The following RPS6KA2 variants were observed in gnomAD, a reference collection of about 807,000 sequenced individuals.
RPS6KA2 encodes the protein ribosomal protein S6 kinase A2.
A neutral mutation model predicts 91.8 loss-of-function variants in RPS6KA2; 42 were observed. The ratio of observed to expected loss-of-function variants is 0.46; its 90% CI spans 0.36 to 0.59. The LOEUF (loss-of-function observed/expected upper bound fraction) is 0.59, where lower values mean the gene tolerates loss of function less well. Ranked by LOEUF, RPS6KA2 falls within the 20% of genes least tolerant of loss-of-function variation. The pLI, the probability that RPS6KA2 is intolerant of heterozygous loss-of-function variation, is 0.00. For missense variants in RPS6KA2, 798 were observed against 978.5 expected (o/e 0.82, Z 2.46); for synonymous variants, 414 against 393.6 (o/e 1.05, Z -0.61).
chr6:166,558,992 G>A (rs967422686), intron 1 of RPS6KA2, among the ~76,000 whole-genome samples: 4 of 152,180 alleles, frequency 2.6e-5, no homozygotes, highest in African/African-American at 9.7e-5. Context: ...CTTTTGAGTG[G>A]GTTGAGCTAG....
At chr6:166,769,407 T>G (rs1171943230) in intron 2 of RPS6KA2, among the ~76,000 whole-genome samples, 4 of 152,316 alleles carry the variant, frequency 2.6e-5, no homozygotes, top group African/African-American at 9.6e-5. Flanking sequence ...GAGAAAGGAA[T>G]AGAAGACGGT....
intron 12 of RPS6KA2, among the ~76,000 whole-genome samples, chr6:166,458,650 A>G (rs1392944062): frequency 1.3e-5 from 2 of 152,184 alleles, no homozygotes; most frequent in Non-Finnish European, 2.9e-5. Context: ...CTTTGCACAC[A>G]CAGAAGAAAG....
intron 10 of RPS6KA2, among the ~76,000 whole-genome samples, chr6:166,473,092 G>A (rs1381677717): frequency 6.6e-6 from 1 of 152,112 alleles, no homozygotes; most frequent in African/African-American, 2.4e-5. Flanking sequence ...TGTTTATCTG[G>A]GTCTGTGTCT....
intron 11 of RPS6KA2, chr6:166,460,698 A>C (rs1465843418): frequency 6.6e-6 from 1 of 152,452 alleles, no homozygotes; most frequent in Admixed American, 6.5e-5. Context: ...CCCACTGAGC[A>C]TGGGGTTTCC....
rs536643834 is a variant in RPS6KA2 at position 166,457,759 on chromosome 6, A to G, written c.1075+1690T>C. On this transcript the variant is annotated intron_variant, in intron 12 of 20. Coordinates refer to ENST00000265678, the MANE Select transcript of RPS6KA2 (RefSeq NM_021135.6). ...TCTGCACACGCTCACACCCTCCTCA[A>G]TGTGTTCATCTGGGTATATGGGAAA... Among the ~76,000 whole-genome samples, 5 of 152,206 alleles carry G rather than the reference A, an allele frequency of 3.3e-5. No individual in the cohort carries two copies. The South Asian group carries it at 1.0e-3, about 32-fold the overall frequency.
Position 166,448,823 on chromosome 6 carries a change from G to A in RPS6KA2, c.1233C>T (p.Phe411=). ...VQQLHGNNIH[F]TDGYEIKEDI... is the part of the protein sequence containing the mutation. Reference sequence around the variant, plus strand: ...CCTCCTTGATCTCGTAGCCATCGGTGAAGTGGATGTTGTTCCCGTGTAACT... The same window carrying A: ...CCTCCTTGATCTCGTAGCCATCGGTAAAGTGGATGTTGTTCCCGTGTAACT... Residue 411 remains phenylalanine, a synonymous_variant, in exon 14 of 21, where the codon TTC becomes TTT. Transcript: ENST00000265678. The surrounding 1 kb of genome is among the most constrained non-coding windows in gnomAD (Gnocchi z 4.7). The A allele has an allele frequency of 1.2e-6, 2 of 1,613,918 alleles. No homozygotes were observed. The highest frequency in any genetic ancestry group is 1.7e-6 in the Non-Finnish European group (2 of 1,179,952).
At chr6:166,607,047 CAGA>C (rs1347210522) in intron 1 of RPS6KA2, among the ~76,000 whole-genome samples, 8 of 147,882 alleles carry the variant, frequency 5.4e-5, no homozygotes, top group Non-Finnish European at 1.2e-4. Context: ...GAGACTGAGG[CAGA>C]AGAATTGCTT....
chr6:166,576,658 G>A (rs1226824534), intron 1 of RPS6KA2, among the ~76,000 whole-genome samples: 1 of 152,174 alleles, frequency 6.6e-6, no homozygotes, highest in Admixed American at 6.5e-5. Flanking sequence ...TTCAAGAGGT[G>A]ACTTGGGTGC....
intron 2 of RPS6KA2, among the ~76,000 whole-genome samples, chr6:166,751,993 G>T (rs951251181): frequency 6.6e-6 from 1 of 152,142 alleles, no homozygotes; most frequent in African/African-American, 2.4e-5. Context: ...GGAGAAAGGG[G>T]CCCCAGAAGA....
chr6:166,594,811 T>C (rs908579584), intron 1 of RPS6KA2, among the ~76,000 whole-genome samples: 5 of 152,242 alleles, frequency 3.3e-5, no homozygotes, highest in African/African-American at 7.2e-5. Flanking sequence ...ACTTTCATAG[T>C]GCTTTTCTGC....
intron 8 of RPS6KA2, among the ~76,000 whole-genome samples, chr6:166,496,382 A>T (rs1472952115): frequency 2.8e-5 from 4 of 142,440 alleles, no homozygotes; most frequent in African/African-American, 1.2e-4. Flanking sequence ...ATAAAAAGAA[A>T]AAAAAGAAAA....
intron 9 of RPS6KA2, among the ~76,000 whole-genome samples, chr6:166,489,327 G>C (rs530194841): frequency 1.3e-5 from 2 of 152,320 alleles, no homozygotes; most frequent in Non-Finnish European, 2.9e-5. Flanking sequence ...TAGTGGCATT[G>C]TTCTGCACTT....
In RPS6KA2 at chr6:166,649,219, G is replaced by A. The variant is rs141058352; in HGVS notation, c.124-110435C>T. Among the ~76,000 whole-genome samples the A allele has an allele frequency of 2.9e-3, 440 of 152,024 alleles. 3 individuals are homozygous for A. Among genetic ancestry groups the A allele is most frequent in the Non-Finnish European group, 5.0e-3 (339 of 67,982 alleles). On this transcript the variant is annotated intron_variant, in intron 2 of 21. Transcript: ENST00000503859. ...CTGCCCCTCGCGTTCCTGCCCCTGC[G>A]CCCGTCTGCGCTCCTGCCCCTGCCC... is the stretch of plus-strand genomic sequence containing the variant.
chr6:166,479,748 GC>G (rs1256407718), intron 10 of RPS6KA2, among the ~76,000 whole-genome samples: 2 of 152,222 alleles, frequency 1.3e-5, no homozygotes, highest in African/African-American at 4.8e-5. Context: ...CTCCCCTTCT[GC>G]CCGTCCCTCC....
chr6:166,531,307 G>T lies in RPS6KA2; in HGVS notation c.223C>A (p.Leu75Met). 1 of 1,613,632 alleles carries T rather than the reference G, an allele frequency of 6.2e-7. No individual in the cohort carries two copies. Among genetic ancestry groups the T allele is most frequent in the South Asian group, 1.1e-5 (1 of 91,076 alleles). ...LGQGSYGKVF[L>M]VRKVKGSDAG... ...TCGGACCCCTTCACCTTCCTCACCA[G>T]GAACACCTTAGCAAGAGAAAACGGA... Residue 75 changes from leucine to methionine, a missense_variant, in exon 3 of 21, where the codon CTG becomes ATG. Coordinates refer to ENST00000265678, the MANE Select transcript of RPS6KA2 (RefSeq NM_021135.6).
At chr6:166,694,266 C>G (rs1289250819) in intron 2 of RPS6KA2, among the ~76,000 whole-genome samples, 1 of 152,232 alleles carries the variant, frequency 6.6e-6, no homozygotes, top group African/African-American at 2.4e-5. Flanking sequence ...TGTTGAAGCA[C>G]TCACCTGGGC....
At chr6:166,590,176 T>C (rs1785310719) in intron 1 of RPS6KA2, among the ~76,000 whole-genome samples, 1 of 152,270 alleles carries the variant, frequency 6.6e-6, no homozygotes, top group African/African-American at 2.4e-5. Flanking sequence ...AGCAGCCTTC[T>C]GGTTTTGCTT....
intron 2 of RPS6KA2, among the ~76,000 whole-genome samples, chr6:166,680,388 G>A (rs974784382): frequency 7.2e-5 from 11 of 152,178 alleles, no homozygotes; most frequent in Admixed American, 3.3e-4. Flanking sequence ...GATGTGGGTG[G>A]GGCCAGATAA....
intron 13 of RPS6KA2, among the ~76,000 whole-genome samples, chr6:166,449,952 A>C (rs545857349): frequency 6.6e-6 from 1 of 151,012 alleles, no homozygotes; most frequent in Non-Finnish European, 1.5e-5. Flanking sequence ...CACAGGAACC[A>C]CTACAGGGAC....
Sources: gnomAD v4.1 joint callset for allele counts (sites outside exome capture counted in the v4.1 genomes callset) on GRCh38, gnomAD v4.1.1 for gene constraint, Gnocchi (gnomAD v3.1) non-coding constraint, MANE v1.5 for transcripts, NCBI Gene and HGNC (gene_info 2026-07-23, HGNC 2026-07-21) for gene names.